The following CTCFL variants were observed in gnomAD, a reference collection of about 807,000 sequenced individuals.
CTCFL encodes CCCTC-binding factor like.
A neutral mutation model predicts 67.4 loss-of-function variants in CTCFL; 36 were observed. The observed-to-expected ratio is 0.53, with a 90% confidence interval of 0.41 to 0.71. The LOEUF (loss-of-function observed/expected upper bound fraction) is 0.71, where lower values mean the gene tolerates loss of function less well. CTCFL is among the 30% of genes least tolerant of loss of function. The pLI, the probability that CTCFL is intolerant of heterozygous loss-of-function variation, is 0.00. For synonymous variants in CTCFL, 324 were observed against 302.3 expected (o/e 1.07, Z -0.75); for missense variants, 786 against 835.2 (o/e 0.94, Z 0.73).
intron 5 of CTCFL, chr20:57,518,423 A>T: frequency 1.0e-6 from 1 of 976,826 alleles, no homozygotes; most frequent in Non-Finnish European, 1.4e-6. Context: ...ATTCTACGTT[A>T]GAGCAAATAC....
At chr20:57,513,674 C>T in intron 7 of CTCFL, 2 of 1,186,634 alleles carry the variant, frequency 1.7e-6, no homozygotes, top group Non-Finnish European at 2.1e-6. Flanking sequence ...CAGAATGGTC[C>T]AGATGAAAAA....
chr20:57,510,406 C>A (rs2068473690), intron 8 of CTCFL, among the ~76,000 whole-genome samples: 1 of 152,186 alleles, frequency 6.6e-6, no homozygotes, highest in South Asian at 2.1e-4. Context: ...GTAAAATTAT[C>A]TATTTTTCAA....
At position 57,503,524 on chromosome 20, in the gene CTCFL, T is replaced by C. The variant is rs746812488; in HGVS notation, c.1752A>G (p.Thr584=). 4 of 1,614,066 alleles carry C rather than the reference T, an allele frequency of 2.5e-6. No individual in the cohort carries two copies. The highest frequency in any genetic ancestry group is 1.7e-5 in the Admixed American group (1 of 60,004). The change falls in exon 10 of 11, where the codon ACA becomes ACG. Residue 584 remains threonine (T), a synonymous_variant. Transcript: ENST00000243914. ...KSAASGKGRR[T]RKRKQTILKE... Reference sequence around the variant, plus strand: ...TCAGGATGGTCTGCTTCCTCTTTCTTGTTCTTCTTCCCTTTCCTGAAGCAG... The same window carrying C: ...TCAGGATGGTCTGCTTCCTCTTTCTCGTTCTTCTTCCCTTTCCTGAAGCAG...
At chr20:57,499,060 C>T (rs1194428088) in intron 10 of CTCFL, among the ~76,000 whole-genome samples, 3 of 72,486 alleles carry the variant, frequency 4.1e-5, no homozygotes, top group African/African-American at 1.9e-4. Flanking sequence ...TTGCCAGTGT[C>T]CCCTGAAGGT....
At chr20:57,496,345 T>C, downstream of CTCFL, 1 of 674,534 alleles carries the variant, frequency 1.5e-6, no homozygotes, top group Non-Finnish European at 2.7e-6. Context: ...AACATCATCC[T>C]TCCTGTACAG....
chr20:57,506,204 G>A (rs928859835), intron 9 of CTCFL, among the ~76,000 whole-genome samples: 14 of 152,226 alleles, frequency 9.2e-5, no homozygotes, highest in African/African-American at 3.4e-4. Context: ...AGAAGTCGTG[G>A]CAGAAACTGA....
downstream of CTCFL, among the ~76,000 whole-genome samples, chr20:57,496,907 T>C (rs960913101): frequency 4.2e-4 from 64 of 152,282 alleles, no homozygotes; most frequent in African/African-American, 1.5e-3. Context: ...GCTATGAACA[T>C]AGGTGTGCAA....
intron 8 of CTCFL, among the ~76,000 whole-genome samples, chr20:57,511,383 G>C (rs746260276): frequency 6.6e-6 from 1 of 152,036 alleles, no homozygotes; most frequent in African/African-American, 2.4e-5. Context: ...ATCTGAAACC[G>C]TGCCAAAGAA....
chr20:57,510,529 A>C (rs1217334321), intron 8 of CTCFL, among the ~76,000 whole-genome samples: 1 of 152,220 alleles, frequency 6.6e-6, no homozygotes, highest in East Asian at 1.9e-4. Context: ...AATGTCACTA[A>C]GTGTGCTGTA....
At chr20:57,510,241 C>T (rs752232930) in intron 8 of CTCFL, among the ~76,000 whole-genome samples, 4 of 152,140 alleles carry the variant, frequency 2.6e-5, no homozygotes, top group African/African-American at 9.7e-5. Flanking sequence ...TAAAAAATTA[C>T]TGTGGCCTCT....
chr20:57,519,903 C>T (rs900195146), intron 3 of CTCFL, among the ~76,000 whole-genome samples: 6 of 152,204 alleles, frequency 3.9e-5, no homozygotes, highest in African/African-American at 1.4e-4. Context: ...TGGACTTAAA[C>T]TAATTAAAAT....
At chr20:57,522,260 C>T (rs1003782443) in intron 3 of CTCFL, among the ~76,000 whole-genome samples, 22 of 152,046 alleles carry the variant, frequency 1.4e-4, no homozygotes, top group African/African-American at 5.3e-4. Flanking sequence ...ATCCCAGGCA[C>T]CTGATGCCAG....
At chr20:57,519,019 A>G in intron 4 of CTCFL, 128 bp from the exon 5 acceptor site, 3 of 1,231,464 alleles carry the variant, frequency 2.4e-6, no homozygotes, top group Non-Finnish European at 3.4e-6. Flanking sequence ...TCCTTAAACT[A>G]TAAATACCAC....
At chr20:57,500,815 A>C (rs771259739) in intron 10 of CTCFL, among the ~76,000 whole-genome samples, 4 of 152,206 alleles carry the variant, frequency 2.6e-5, no homozygotes, top group Non-Finnish European at 2.9e-5. Context: ...CTGGAGGTTT[A>C]AGAGATAATT....
intron 5 of CTCFL, among the ~76,000 whole-genome samples, chr20:57,518,093 C>T (rs577197948): frequency 6.6e-6 from 1 of 152,244 alleles, no homozygotes; most frequent in East Asian, 1.9e-4. Context: ...TTTGGGTGTA[C>T]TGTTGACCCA....
chr20:57,504,871 G>C (rs908353009), intron 9 of CTCFL, among the ~76,000 whole-genome samples: 1 of 151,988 alleles, frequency 6.6e-6, no homozygotes, highest in Admixed American at 6.6e-5. Context: ...AGCCCTTGCT[G>C]CAAGATATCC....
chr20:57,505,126 T>A (rs549403464), intron 9 of CTCFL, among the ~76,000 whole-genome samples: 2 of 152,040 alleles, frequency 1.3e-5, no homozygotes, highest in South Asian at 4.2e-4. Flanking sequence ...GCACCTTTGA[T>A]AATCTTGTGC....
At chr20:57,520,046 G>C (rs973613951) in intron 3 of CTCFL, among the ~76,000 whole-genome samples, 15 of 152,168 alleles carry the variant, frequency 9.9e-5, no homozygotes, top group African/African-American at 3.6e-4. Flanking sequence ...AAGTTCTCTT[G>C]GATGATGCTG....
chr20:57,521,689 A>C (rs866909958), intron 3 of CTCFL, among the ~76,000 whole-genome samples: 24 of 152,224 alleles, frequency 1.6e-4, no homozygotes, highest in Admixed American at 3.9e-4. Context: ...CAGTGAATGA[A>C]GGGATAAATA....
Sources: allele counts gnomAD v4.1 joint callset (sites outside exome capture counted in the v4.1 genomes callset), GRCh38; gene constraint gnomAD v4.1.1; transcripts MANE v1.5; gene names NCBI Gene and HGNC (gene_info 2026-07-23, HGNC 2026-07-21).